Variants in HERPUD2 observed in about 807,000 individuals in gnomAD.
The protein encoded by HERPUD2 is homocysteine-responsive endoplasmic reticulum-resident ubiquitin-like domain member 2 protein.
In HERPUD2, 13 loss-of-function variants were observed where a neutral mutation model predicts 49.9. That is an observed-to-expected ratio of 0.26 (90% confidence interval 0.17 to 0.41). The LOEUF (loss-of-function observed/expected upper bound fraction) is 0.41. Ranked by LOEUF, HERPUD2 falls within the 10% of genes least tolerant of loss-of-function variation. The pLI is 1.00. For missense variants in HERPUD2, 449 were observed against 492.2 expected (o/e 0.91, Z 0.83); for synonymous variants, 172 against 171.4 (o/e 1.00, Z -0.03).
intron 4 of HERPUD2, among the ~76,000 whole-genome samples, chr7:35,669,742 A>C (rs1372015289): frequency 1.3e-5 from 2 of 152,152 alleles, no homozygotes; most frequent in South Asian, 4.1e-4. Flanking sequence ...TGGAATGTAC[A>C]CCCAAATCCA....
At chr7:35,678,239 T>TAA (rs34474837) in intron 2 of HERPUD2, among the ~76,000 whole-genome samples, 2 of 145,424 alleles carry the variant, frequency 1.4e-5, no homozygotes, top group Non-Finnish European at 1.5e-5. Flanking sequence ...TTCACATTAT[T>TAA]AAAAAAAAAA....
rs959589043 is a variant in HERPUD2 at position 35,634,178 on chromosome 7, T to C, written c.1059+134A>G. 1.7e-5 allele frequency: 11 copies of C among 641,376 alleles called. No individual in the cohort carries two copies. In the Admixed American group the frequency reaches 1.9e-4, roughly 11 times the overall value. The allele number at this position is 641,376 out of a possible 1,614,324, so 39.7% of individuals were successfully genotyped here. A position where few individuals can be genotyped will look rare whatever the true frequency, so the allele number is the denominator to read the frequency against. The stretch of plus-strand genomic sequence containing the variant: ...TTCTCCCAAATGAAACCACCACAAT[T>C]TATATGTTAGTTTTCTTTCATGTGC... On this transcript the variant is annotated intron_variant, in intron 8 of 8. Transcript: ENST00000311350.
At chr7:35,639,970 G>C (rs547537258) in intron 5 of HERPUD2, among the ~76,000 whole-genome samples, 1 of 152,066 alleles carries the variant, frequency 6.6e-6, no homozygotes, top group Non-Finnish European at 1.5e-5. Flanking sequence ...CCTATATAAG[G>C]GGGAAAAAAC....
At chr7:35,693,699 G>A (rs1272186927) in intron 2 of HERPUD2, among the ~76,000 whole-genome samples, 1 of 152,038 alleles carries the variant, frequency 6.6e-6, no homozygotes, top group Non-Finnish European at 1.5e-5. Flanking sequence ...GGGCAGTGGT[G>A]CGATCTTGGC....
chr7:35,667,478 T>G lies in HERPUD2; in HGVS notation c.450A>C (p.Gln150His), dbSNP rs1785560079. 1.9e-6 allele frequency: 3 copies of G among 1,614,004 alleles called. No individual in the cohort carries two copies. The highest frequency in any genetic ancestry group is 2.5e-6 in the Non-Finnish European group (3 of 1,179,906). Reference protein sequence around the residue: ...GLRQRTLPQAQTDQAQSHQFP... With the variant: ...GLRQRTLPQAHTDQAQSHQFP... ...ACTGGTGACTCTGTGCTTGGTCAGT[T>G]TGTGCTTGTGGAAGGGTACGCTGCC... The change falls in exon 5 of 9, where the codon CAA (glutamine) becomes CAC (histidine). Residue 150 changes from glutamine to histidine, a missense_variant. Coordinates refer to ENST00000311350, the MANE Select transcript of HERPUD2 (RefSeq NM_022373.5).
At chr7:35,650,746 C>A (rs1785147701) in intron 5 of HERPUD2, among the ~76,000 whole-genome samples, 1 of 152,166 alleles carries the variant, frequency 6.6e-6, no homozygotes, top group Non-Finnish European at 1.5e-5. Context: ...AAAGTGTACC[C>A]CCCCACCAAT....
At chr7:35,686,745 ACC>A (rs1491257551) in intron 2 of HERPUD2, among the ~76,000 whole-genome samples, 1,175 of 75,004 alleles carry the variant, frequency 0.016, 186 homozygotes, top group Non-Finnish European at 0.019. Flanking sequence ...AAAAAAAAAA[ACC>A]AAACCCATTT....
intron 8 of HERPUD2, 132 bp from the exon 9 acceptor site, chr7:35,633,983 G>T: frequency 1.2e-6 from 1 of 857,140 alleles, no homozygotes; most frequent in Non-Finnish European, 1.8e-6. Context: ...AAATCTTTAA[G>T]GCCAAAATTG....
intron 2 of HERPUD2, among the ~76,000 whole-genome samples, chr7:35,682,952 C>T (rs1289310532): frequency 6.6e-6 from 1 of 152,076 alleles, no homozygotes; most frequent in Non-Finnish European, 1.5e-5. Flanking sequence ...ACACCCCATG[C>T]TCATGGATGA....
chr7:35,691,641 C>T (rs1384901036), intron 2 of HERPUD2, among the ~76,000 whole-genome samples: 1 of 152,234 alleles, frequency 6.6e-6, no homozygotes, highest in African/African-American at 2.4e-5. Flanking sequence ...GAAATTATCT[C>T]TGTTAAACAT....
At chr7:35,664,393 T>C (rs1785494811) in intron 5 of HERPUD2, among the ~76,000 whole-genome samples, 1 of 152,190 alleles carries the variant, frequency 6.6e-6, no homozygotes, top group African/African-American at 2.4e-5. Context: ...TCGAGGAGTA[T>C]CTTTGTGGTG....
intron 5 of HERPUD2, among the ~76,000 whole-genome samples, chr7:35,649,494 G>A (rs528781384): frequency 1.3e-5 from 2 of 152,158 alleles, no homozygotes; most frequent in Non-Finnish European, 2.9e-5. Flanking sequence ...GATGGTCTGT[G>A]ACACAGCCCT....
chr7:35,638,502 A>T, intron 5 of HERPUD2, 30 bp from the exon 6 acceptor site: 2 of 1,601,226 alleles, frequency 1.2e-6, no homozygotes, highest in Non-Finnish European at 1.7e-6. Context: ...AGCTCTTTTA[A>T]TGCTCTAGCA....
chr7:35,682,386 T>C (rs1483762782), intron 2 of HERPUD2, among the ~76,000 whole-genome samples: 15 of 132,254 alleles, frequency 1.1e-4, no homozygotes, highest in African/African-American at 2.6e-4. Flanking sequence ...TATATATATA[T>C]ACTTAATCGG....
intron 5 of HERPUD2, among the ~76,000 whole-genome samples, chr7:35,652,031 T>C (rs1388662102): frequency 6.6e-6 from 1 of 152,202 alleles, no homozygotes; most frequent in African/African-American, 2.4e-5. Context: ...CTGGGGAATT[T>C]AGAGGTAATC....
chr7:35,667,039 G>A (rs569060921), intron 5 of HERPUD2, among the ~76,000 whole-genome samples: 2 of 152,228 alleles, frequency 1.3e-5, no homozygotes, highest in East Asian at 1.9e-4. Context: ...GATCTATAGT[G>A]AGACTGAGTA....
chr7:35,651,137 G>A (rs1438656413), intron 5 of HERPUD2, among the ~76,000 whole-genome samples: 1 of 152,132 alleles, frequency 6.6e-6, no homozygotes, highest in Non-Finnish European at 1.5e-5. Flanking sequence ...GACTGCTTGG[G>A]AGCCAGAGGT....
chr7:35,694,590 G>T lies in HERPUD2; in HGVS notation c.-260C>A. On this transcript the variant is annotated 5_prime_UTR_variant, in exon 2 of 9. Transcript: ENST00000311350. ...CCCCGCCAGGTCCGGGCTCCGCCGGGCTCCGGACTGTGGAGGCCGTCGTGA... is the reference window on the plus strand; with the variant it reads ...CCCCGCCAGGTCCGGGCTCCGCCGGTCTCCGGACTGTGGAGGCCGTCGTGA... 1.9e-6 allele frequency: 1 copy of T among 521,882 alleles called. No individual in the cohort carries two copies. Among genetic ancestry groups the T allele is most frequent in the Non-Finnish European group, 3.5e-6 (1 of 288,646 alleles). The allele number at this position is 521,882 out of a possible 1,614,324, so 32.3% of individuals were successfully genotyped here.
intron 5 of HERPUD2, among the ~76,000 whole-genome samples, chr7:35,643,275 T>C (rs896119128): frequency 6.6e-6 from 1 of 152,178 alleles, no homozygotes; most frequent in African/African-American, 2.4e-5. Flanking sequence ...ATTCCTACTG[T>C]AAGACACAAA....
Sources: allele counts gnomAD v4.1 joint callset (sites outside exome capture counted in the v4.1 genomes callset), GRCh38; gene constraint gnomAD v4.1.1; transcripts MANE v1.5; gene names NCBI Gene and HGNC (gene_info 2026-07-23, HGNC 2026-07-21).